ZNF365: variants seen among roughly 807,000 people sequenced by gnomAD.
ZNF365 encodes zinc finger protein 365, also known as protein ZNF365.
A neutral mutation model predicts 35.0 loss-of-function variants in ZNF365; 22 were observed. The observed-to-expected ratio is 0.63, with a 90% confidence interval of 0.45 to 0.90. ZNF365 has a LOEUF of 0.90. Ranked by LOEUF, ZNF365 falls within the 40% of genes least tolerant of loss-of-function variation. The probability of loss-of-function intolerance (pLI) is 0.00; values close to 1 mark genes in which losing one functional copy is unlikely to be tolerated. For synonymous variants in ZNF365, 188 were observed against 196.2 expected (o/e 0.96, Z 0.35); for missense variants, 448 against 500.3 (o/e 0.90, Z 1.00).
chr10:62,409,586 T>G (rs1349291956), intron 3 of ZNF365, among the ~76,000 whole-genome samples: 2 of 151,868 alleles, frequency 1.3e-5, no homozygotes, highest in Non-Finnish European at 2.9e-5. Context: ...CACAAAAGGG[T>G]TTTTTTGTAT....
downstream of ZNF365, among the ~76,000 whole-genome samples, chr10:62,406,405 G>A (rs1001262020): frequency 3.0e-4 from 45 of 151,970 alleles, no homozygotes; most frequent in African/African-American, 1.1e-3. Context: ...ATATTTAATG[G>A]TGTGATGACT....
intron 3 of ZNF365, among the ~76,000 whole-genome samples, chr10:62,416,892 G>C (rs147720522): frequency 6.6e-6 from 1 of 151,938 alleles, no homozygotes; most frequent in Non-Finnish European, 1.5e-5. Context: ...TTGAATTTGG[G>C]ATGCTTAACC....
chr10:62,411,512 T>C (rs10821994), intron 3 of ZNF365, among the ~76,000 whole-genome samples: 91,560 of 151,982 alleles, frequency 0.6, 28,137 homozygotes, highest in East Asian at 0.77. Context: ...CCAGTTCTTC[T>C]GGCACTATTT....
chr10:62,450,547 G>A (rs1049723664), intron 3 of ZNF365, among the ~76,000 whole-genome samples: 12 of 152,164 alleles, frequency 7.9e-5, no homozygotes, highest in African/African-American at 2.9e-4. Context: ...TGCACTGTGA[G>A]GTAGAACAGG....
intron 4 of ZNF365, among the ~76,000 whole-genome samples, chr10:62,470,556 T>G (rs138990181): frequency 6.6e-5 from 10 of 152,314 alleles, no homozygotes; most frequent in African/African-American, 1.7e-4. Flanking sequence ...CTGGATAAAT[T>G]TAGGTTAGAT....
intron 4 of ZNF365, among the ~76,000 whole-genome samples, chr10:62,473,962 T>C (rs1233609319): frequency 1.3e-5 from 2 of 152,148 alleles, no homozygotes; most frequent in East Asian, 3.9e-4. Flanking sequence ...TTGGCTTTTG[T>C]CCTCAGTCTT....
intron 3 of ZNF365, among the ~76,000 whole-genome samples, chr10:62,457,640 T>C (rs1708627689): frequency 1.3e-5 from 2 of 152,266 alleles, no homozygotes; most frequent in Admixed American, 1.3e-4. Context: ...ATAGTATCCT[T>C]TGACACCACA....
intron 4 of ZNF365, among the ~76,000 whole-genome samples, chr10:62,463,482 A>G (rs1026832506): frequency 6.6e-6 from 1 of 152,258 alleles, no homozygotes; most frequent in Admixed American, 6.5e-5. Flanking sequence ...GGACATGTTT[A>G]TCTGCACTCA....
At chr10:62,476,898 T>TAAGACAGAA (rs1841141179) in intron 4 of ZNF365, among the ~76,000 whole-genome samples, 1 of 152,254 alleles carries the variant, frequency 6.6e-6, no homozygotes, top group Non-Finnish European at 1.5e-5. Flanking sequence ...TTCTGTCTTA[T>TAAGACAGAA]TAGTGGGCAA....
At chr10:62,432,583 A>G (rs934313326) in intron 3 of ZNF365, among the ~76,000 whole-genome samples, 7 of 152,210 alleles carry the variant, frequency 4.6e-5, no homozygotes, top group African/African-American at 9.6e-5. Flanking sequence ...TAAGCCCCTT[A>G]CTTAAACAAT....
chr10:62,388,420 C>G lies in ZNF365; in HGVS notation c.768C>G (p.Phe256Leu), dbSNP rs1839559610. Residue 256 changes from phenylalanine to leucine, a missense_variant, in exon 3 of 5, where the codon TTC (phenylalanine) becomes TTG (leucine). Coordinates refer to ENST00000395254, the MANE Select transcript of ZNF365 (RefSeq NM_014951.3). ...KEEEVVTFNH[F>L]LEAAAEKEVQ... ...GAGAAGTTGTCACATTCAACCATTT[C>G]CTGGAAGCGGCAGCTGAGAAGGAGG... is the stretch of plus-strand genomic sequence containing the variant. 1.9e-6 allele frequency: 3 copies of G among 1,614,188 alleles called. No individual in the cohort carries two copies.
intron 3 of ZNF365, 73 bp from the exon 4 acceptor site, chr10:62,398,667 A>AT: frequency 7.1e-7 from 1 of 1,411,496 alleles, no homozygotes; most frequent in Non-Finnish European, 9.8e-7. Flanking sequence ...TTTAGAAAGT[A>AT]TAAGAAATAT....
At chr10:62,394,969 C>T (rs1370146533) in intron 3 of ZNF365, among the ~76,000 whole-genome samples, 1 of 152,064 alleles carries the variant, frequency 6.6e-6, no homozygotes, top group African/African-American at 2.4e-5. Flanking sequence ...TGGTATTCCT[C>T]ATTGTTCTAA....
intron 3 of ZNF365, among the ~76,000 whole-genome samples, chr10:62,442,135 C>T (rs1263777078): frequency 6.6e-6 from 1 of 152,112 alleles, no homozygotes; most frequent in Non-Finnish European, 1.5e-5. Flanking sequence ...AGTGGCAGAG[C>T]CTTATATGGA....
intron 4 of ZNF365, among the ~76,000 whole-genome samples, chr10:62,461,442 T>C (rs1026391689): frequency 2.0e-5 from 3 of 152,208 alleles, no homozygotes; most frequent in African/African-American, 7.2e-5. Flanking sequence ...AGCATAGTTA[T>C]GACACAGATG....
At chr10:62,393,284 G>A (rs575934850) in intron 3 of ZNF365, among the ~76,000 whole-genome samples, 43 of 152,290 alleles carry the variant, frequency 2.8e-4, no homozygotes, top group African/African-American at 1.0e-3. Context: ...TAAAAGTATA[G>A]TATAGTAAAT....
chr10:62,465,167 G>T (rs1237393550), intron 4 of ZNF365, among the ~76,000 whole-genome samples: 1 of 152,244 alleles, frequency 6.6e-6, no homozygotes, highest in East Asian at 1.9e-4. Context: ...CTTCAGTGCA[G>T]AGCAAAGTTG....
intron 3 of ZNF365, among the ~76,000 whole-genome samples, chr10:62,425,142 T>C (rs1183030508): frequency 6.6e-6 from 1 of 152,156 alleles, no homozygotes; most frequent in Non-Finnish European, 1.5e-5. Flanking sequence ...TGTATTAACA[T>C]TTTAAATGTT....
chr10:62,376,917 G>A lies in ZNF365; in HGVS notation c.724G>A (p.Glu242Lys). ...GCAACGCCTGACGGAATCTGAGGAGGAGCTTCTTAGGAAAGAAGAGTAAGT... is the reference window on the plus strand; with the variant it reads ...GCAACGCCTGACGGAATCTGAGGAGAAGCTTCTTAGGAAAGAAGAGTAAGT... ...LRQRLTESEE[E>K]LLRKEEEVVT... Residue 242 changes from glutamate to lysine, a missense_variant, in exon 2 of 5, where the codon GAG (glutamate) becomes AAG (lysine). Around this residue, in one of 3 missense-constraint regions of ZNF365, gnomAD observed 362 missense variants for 375.7 expected, o/e 0.96. Coordinates refer to ENST00000395254, the MANE Select transcript of ZNF365 (RefSeq NM_014951.3). 9.9e-6 allele frequency: 16 copies of A among 1,611,612 alleles called. No individual in the cohort carries two copies. The highest frequency in any genetic ancestry group is 1.4e-5 in the Non-Finnish European group (16 of 1,179,006).
Sources: gnomAD v4.1 joint callset for allele counts (sites outside exome capture counted in the v4.1 genomes callset) on GRCh38, gnomAD v4.1.1 for gene constraint, gnomAD v4.1.1 regional missense constraint, MANE v1.5 for transcripts, NCBI Gene and HGNC (gene_info 2026-07-23, HGNC 2026-07-21) for gene names.